Variants in CADM2 observed in about 807,000 individuals in gnomAD.
The protein encoded by CADM2 is cell adhesion molecule 2.
CADM2 carries 12 observed loss-of-function variants against 49.8 expected under a neutral mutation model. The ratio of observed to expected loss-of-function variants is 0.24; its 90% CI spans 0.15 to 0.39. The LOEUF (loss-of-function observed/expected upper bound fraction) is 0.39, where lower values mean the gene tolerates loss of function less well. Ranked by LOEUF, CADM2 falls within the 10% of genes least tolerant of loss-of-function variation. CADM2 has a pLI of 1.00. For missense variants in CADM2, 378 were observed against 492.3 expected (o/e 0.77, Z 2.20); for synonymous variants, 214 against 175.4 (o/e 1.22, Z -1.74).
chr3:85,692,827 C>T (rs1400855266), intron 1 of CADM2, among the ~76,000 whole-genome samples: 1 of 152,140 alleles, frequency 6.6e-6, no homozygotes, highest in Non-Finnish European at 1.5e-5. Context: ...TTCTTATTTT[C>T]CACAAAGAAA....
chr3:85,074,021 A>G (rs1021159477), intron 1 of CADM2, among the ~76,000 whole-genome samples: 1 of 151,650 alleles, frequency 6.6e-6, no homozygotes, highest in Non-Finnish European at 1.5e-5. Context: ...ACGTACAATT[A>G]AAAAAAATTC....
chr3:85,800,232 C>A (rs1218096388), intron 2 of CADM2: 1 of 152,222 alleles, frequency 6.6e-6, no homozygotes, highest in Non-Finnish European at 1.5e-5. Flanking sequence ...AGACACCCCT[C>A]CCTCTACGAA....
intron 1 of CADM2, among the ~76,000 whole-genome samples, chr3:85,715,091 A>G (rs1189589244): frequency 6.6e-6 from 1 of 152,206 alleles, no homozygotes; most frequent in Non-Finnish European, 1.5e-5. Flanking sequence ...GTGATTCTAC[A>G]ATATAGTATT....
At chr3:85,337,322 G>A (rs1393809030) in intron 1 of CADM2, among the ~76,000 whole-genome samples, 2 of 151,010 alleles carry the variant, frequency 1.3e-5, no homozygotes, top group Non-Finnish European at 3.0e-5. Flanking sequence ...GGGGCAAAAA[G>A]AAAGACAATT....
chr3:85,083,845 A>G (rs1485205518), intron 1 of CADM2, among the ~76,000 whole-genome samples: 1 of 152,166 alleles, frequency 6.6e-6, no homozygotes. Context: ...AAGAGCCACA[A>G]CATGTATTCT....
chr3:85,626,773 T>C (rs948894854), intron 1 of CADM2, among the ~76,000 whole-genome samples: 12 of 152,000 alleles, frequency 7.9e-5, no homozygotes, highest in African/African-American at 1.2e-4. Flanking sequence ...TCCCACATTT[T>C]CCCCCCTTTC....
chr3:85,633,797 C>T (rs531891993), intron 1 of CADM2, among the ~76,000 whole-genome samples: 1 of 151,768 alleles, frequency 6.6e-6, no homozygotes, highest in South Asian at 2.1e-4. Context: ...AAAAATTAGG[C>T]CAAAAAGTGG....
intron 1 of CADM2, among the ~76,000 whole-genome samples, chr3:85,152,160 T>G (rs1296450367): frequency 1.3e-5 from 2 of 152,144 alleles, no homozygotes; most frequent in East Asian, 3.9e-4. Context: ...CTTTTCAGCT[T>G]TTTCCTACCA....
At chr3:85,241,323 A>T (rs896610630) in intron 1 of CADM2, among the ~76,000 whole-genome samples, 4 of 151,538 alleles carry the variant, frequency 2.6e-5, no homozygotes, top group Non-Finnish European at 5.9e-5. Flanking sequence ...ATATGATAAG[A>T]GATTAATTTC....
chr3:85,795,289 C>G (rs1183443355), intron 2 of CADM2, among the ~76,000 whole-genome samples: 1 of 152,152 alleles, frequency 6.6e-6, no homozygotes, highest in African/African-American at 2.4e-5. Flanking sequence ...CTAACTCATG[C>G]TCTCTTCAGG....
At chr3:85,860,867 G>A (rs1577497909) in intron 3 of CADM2, among the ~76,000 whole-genome samples, 1 of 152,222 alleles carries the variant, frequency 6.6e-6, no homozygotes, top group African/African-American at 2.4e-5. Flanking sequence ...TGGATTATCA[G>A]GGGTGAAAGC....
Position 85,363,928 on chromosome 3 carries a change from T to C in CADM2, c.62-362594T>C, listed in dbSNP as rs116471174. On this transcript the variant is annotated intron_variant, in intron 1 of 9. Coordinates refer to ENST00000383699, the MANE Select transcript of CADM2 (RefSeq NM_001167675.2). ...GCCCGGCCTTGATTTGACATCTTTA[T>C]GTAGACAGTAGAAGCATTTGAGAGA... 3.6e-3 allele frequency among the ~76,000 whole-genome samples: 541 copies of C among 152,288 alleles called. 2 individuals are homozygous for C. Among genetic ancestry groups the C allele is most frequent in the African/African-American group, 0.012 (516 of 41,568 alleles).
In CADM2 at chr3:86,026,351, G is replaced by GTT. The variant is rs532727746; in HGVS notation, c.971-39246_971-39245dup. Among the ~76,000 whole-genome samples the GTT allele has an allele frequency of 3.3e-5, 5 of 149,600 alleles. No homozygotes were observed. The East Asian group carries it at 7.8e-4, about 23-fold the overall frequency. On this transcript the variant is annotated intron_variant, in intron 8 of 9. Coordinates refer to ENST00000383699, the MANE Select transcript of CADM2 (RefSeq NM_001167675.2). ...CCCCAACTATGCCATTTTTTTTTTG[G>GTT]TTTTTTTTTGGCCTTATGACTTTAA...
At chr3:85,653,056 A>G (rs2065100937) in intron 1 of CADM2, among the ~76,000 whole-genome samples, 1 of 151,716 alleles carries the variant, frequency 6.6e-6, no homozygotes, top group Non-Finnish European at 1.5e-5. Context: ...TACAGGCGTG[A>G]GCCACCGCAC....
chr3:86,058,341 T>A (rs1183071287), intron 8 of CADM2, among the ~76,000 whole-genome samples: 2 of 152,220 alleles, frequency 1.3e-5, no homozygotes, highest in Non-Finnish European at 1.5e-5. Context: ...TCTTTTTTTT[T>A]TCCTCATAAA....
intron 1 of CADM2, among the ~76,000 whole-genome samples, chr3:85,666,671 T>G (rs2065578377): frequency 6.7e-6 from 1 of 149,734 alleles, no homozygotes; most frequent in South Asian, 2.1e-4. Flanking sequence ...GCCTGTTTGT[T>G]CAGATTCTTC....
chr3:85,235,041 CTCTG>C (rs1393235206), intron 1 of CADM2, among the ~76,000 whole-genome samples: 1 of 152,044 alleles, frequency 6.6e-6, no homozygotes, highest in Non-Finnish European at 1.5e-5. Context: ...CTCTTTCTCT[CTCTG>C]TCTCTCTCAC....
At chr3:85,806,327 A>G (rs186594772) in intron 3 of CADM2, among the ~76,000 whole-genome samples, 2 of 152,240 alleles carry the variant, frequency 1.3e-5, no homozygotes, top group African/African-American at 4.8e-5. Flanking sequence ...ACAAGTGCTG[A>G]TCACTGCCTC....
chr3:85,562,684 C>G (rs567429494), intron 1 of CADM2, among the ~76,000 whole-genome samples: 2 of 152,054 alleles, frequency 1.3e-5, no homozygotes, highest in South Asian at 4.2e-4. Context: ...TCACCTTTTT[C>G]TTTGGAGATG....
Sources: allele counts gnomAD v4.1 joint callset (sites outside exome capture counted in the v4.1 genomes callset), GRCh38; gene constraint gnomAD v4.1.1; transcripts MANE v1.5; gene names NCBI Gene and HGNC (gene_info 2026-07-23, HGNC 2026-07-21).